Variants in HACD3 observed in about 807,000 individuals in gnomAD.
The protein encoded by HACD3 is 3-hydroxyacyl-CoA dehydratase 3, also known as very-long-chain (3R)-3-hydroxyacyl-CoA dehydratase 3.
A neutral mutation model predicts 55.2 loss-of-function variants in HACD3; 30 were observed. That is an observed-to-expected ratio of 0.54 (90% CI 0.41 to 0.74). HACD3 has a LOEUF of 0.74. HACD3 is among the 30% of genes least tolerant of loss of function. HACD3 has a pLI of 0.00. For synonymous variants in HACD3, 141 were observed against 151.7 expected (o/e 0.93, Z 0.52); for missense variants, 363 against 440.1 (o/e 0.82, Z 1.57).
At chr15:65,533,512 C>A (rs1258490192) in intron 1 of HACD3, among the ~76,000 whole-genome samples, 1 of 152,126 alleles carries the variant, frequency 6.6e-6, no homozygotes, top group Non-Finnish European at 1.5e-5. Flanking sequence ...GTGCTTATAA[C>A]AAAATTGTGA....
At chr15:65,531,922 G>A (rs557005080) in intron 1 of HACD3, among the ~76,000 whole-genome samples, 2 of 152,068 alleles carry the variant, frequency 1.3e-5, no homozygotes, top group East Asian at 1.9e-4. Flanking sequence ...AACATCTATG[G>A]CACTTTGTCA....
At chr15:65,576,184 C>T in intron 10 of HACD3, 119 bp from the exon 11 acceptor site, 1 of 1,439,136 alleles carries the variant, frequency 6.9e-7, no homozygotes, top group Non-Finnish European at 9.3e-7. Context: ...TCCTGAGCCG[C>T]TGCAATAAGC....
chr15:65,533,208 A>G (rs62013080), intron 1 of HACD3, among the ~76,000 whole-genome samples: 52 of 152,200 alleles, frequency 3.4e-4, no homozygotes, highest in Non-Finnish European at 6.6e-4. Context: ...TTGAGAGAGC[A>G]TACTCCATGG....
At chr15:65,570,402 G>A (rs910566333) in intron 8 of HACD3, among the ~76,000 whole-genome samples, 199 bp downstream of exon 8, 27 of 152,178 alleles carry the variant, frequency 1.8e-4, no homozygotes, top group African/African-American at 5.3e-4. Context: ...CATAATACCA[G>A]ACTGGATACT....
At chr15:65,549,548 T>C (rs1421215243) in intron 1 of HACD3, among the ~76,000 whole-genome samples, 2 of 141,108 alleles carry the variant, frequency 1.4e-5, no homozygotes, top group Admixed American at 1.5e-4. Context: ...TGCAGTGAAT[T>C]GAGATGGCGC....
At chr15:65,573,583 G>T (rs908711921) in intron 10 of HACD3, among the ~76,000 whole-genome samples, 1 of 147,308 alleles carries the variant, frequency 6.8e-6, no homozygotes, top group Admixed American at 6.9e-5. Context: ...ACTCCAGCCT[G>T]TGTGACAGAG....
In HACD3 at chr15:65,578,117, T is replaced by C. The variant is rs2072427840; in HGVS notation, c.*1738T>C. 1 of 152,196 alleles carries C rather than the reference T, an allele frequency of 6.6e-6. No individual in the cohort carries two copies. The highest frequency in any genetic ancestry group is 1.5e-5 in the Non-Finnish European group (1 of 68,044). The allele number at this position is 152,196 out of a possible 1,614,324, so 9.4% of individuals were successfully genotyped here. A position where few individuals can be genotyped will look rare whatever the true frequency, so the allele number is the denominator to read the frequency against. Reference sequence around the variant, plus strand: ...ATAGGCTAGCTGATTTCTTAAAAATTCGTTGCATTGAAGGATATTTTGCAT... The same window carrying C: ...ATAGGCTAGCTGATTTCTTAAAAATCCGTTGCATTGAAGGATATTTTGCAT... On this transcript the variant is annotated 3_prime_UTR_variant, in exon 11 of 11. Coordinates refer to ENST00000261875, the MANE Select transcript of HACD3 (RefSeq NM_016395.4).
chr15:65,571,514 G>A (rs2072347499), intron 8 of HACD3, 34 bp from the exon 9 acceptor site: 3 of 1,509,964 alleles, frequency 2.0e-6, no homozygotes, highest in Non-Finnish European at 2.8e-6. Flanking sequence ...AACCTGAAGT[G>A]GCTTTTCACA....
intron 5 of HACD3, 30 bp downstream of exon 5, chr15:65,558,761 C>T (rs769421804): frequency 6.3e-7 from 1 of 1,582,918 alleles, no homozygotes; most frequent in Non-Finnish European, 8.6e-7. Flanking sequence ...TGGTAGTTAC[C>T]AGTTAACTTG....
At chr15:65,568,113 G>A (rs2072310695) in intron 7 of HACD3, among the ~76,000 whole-genome samples, 1 of 151,760 alleles carries the variant, frequency 6.6e-6, no homozygotes, top group African/African-American at 2.4e-5. Flanking sequence ...AGTAGAGATG[G>A]GGTTTCCCAT....
chr15:65,547,120 A>G (rs1440436119), intron 1 of HACD3, among the ~76,000 whole-genome samples: 2 of 144,700 alleles, frequency 1.4e-5, no homozygotes, highest in East Asian at 4.0e-4. Context: ...AGTTCCCAGG[A>G]TTTTTTTTTT....
intron 1 of HACD3, among the ~76,000 whole-genome samples, chr15:65,547,323 G>T (rs1415105643): frequency 6.6e-6 from 1 of 152,062 alleles, no homozygotes; most frequent in South Asian, 2.1e-4. Context: ...CACCATATTG[G>T]TCAGGCTGGT....
At chr15:65,531,747 G>A (rs549016924) in intron 1 of HACD3, among the ~76,000 whole-genome samples, 41 of 152,054 alleles carry the variant, frequency 2.7e-4, no homozygotes, top group African/African-American at 8.7e-4. Context: ...TGTATTTTTA[G>A]TAGCGACAGG....
chr15:65,551,236 AC>A (rs2072129270), intron 1 of HACD3: 1 of 160,830 alleles, frequency 6.2e-6, no homozygotes, highest in Admixed American at 6.1e-5. Flanking sequence ...GCCTTTTACC[AC>A]CCTTTTCGTC....
At chr15:65,569,473 G>A (rs559563074) in intron 7 of HACD3, among the ~76,000 whole-genome samples, 243 of 152,262 alleles carry the variant, frequency 1.6e-3, no homozygotes, top group Non-Finnish European at 2.3e-3. Context: ...ACTCTGGGAG[G>A]CTGACGCAAG....
At position 65,564,351 on chromosome 15, in the gene HACD3, T is replaced by G. The variant is rs1408637947; in HGVS notation, c.660+9T>G. On this transcript the variant is annotated intron_variant, in intron 7 of 10. Transcript: ENST00000261875. ...TGCCTTCTCTGATCCAGGTATTGAA[T>G]AGTTAAGCTGAAGGGTGGGTAATGG... 3 of 1,610,976 alleles carry G rather than the reference T, an allele frequency of 1.9e-6. No homozygotes were observed. The highest frequency in any genetic ancestry group is 3.3e-4 in the Middle Eastern group (2 of 6,050).
At position 65,572,449 on chromosome 15, in the gene HACD3, A is replaced by G. The variant is rs893110269; in HGVS notation, c.1012+83A>G. 3.3e-5 allele frequency: 46 copies of G among 1,380,932 alleles called. No homozygotes were observed. In the African/African-American group the frequency reaches 5.3e-4, roughly 16 times the overall value. 85.5% of individuals were successfully genotyped at this position (1,380,932 alleles called of 1,614,324 possible). On this transcript the variant is annotated intron_variant, in intron 10 of 10. Transcript: ENST00000261875. ...AAATCATTCAGAAATGTAAAAGTCCATATGAGAATTCTTTTGGGACAGAAT... is the reference window on the plus strand; with the variant it reads ...AAATCATTCAGAAATGTAAAAGTCCGTATGAGAATTCTTTTGGGACAGAAT...
intron 1 of HACD3, among the ~76,000 whole-genome samples, chr15:65,532,936 G>A (rs562684544): frequency 6.8e-4 from 103 of 152,298 alleles, no homozygotes; most frequent in African/African-American, 2.3e-3. Flanking sequence ...TTGTGTAGGA[G>A]TATGTTTATT....
At chr15:65,530,771 C>T (rs1351423814) in intron 1 of HACD3, 53 bp downstream of exon 1, 17 of 1,474,198 alleles carry the variant, frequency 1.2e-5, no homozygotes, top group Non-Finnish European at 1.6e-5. Flanking sequence ...CTCCGGGTAC[C>T]CGCCAGGACC....
Sources: gnomAD v4.1 joint callset for allele counts (sites outside exome capture counted in the v4.1 genomes callset) on GRCh38, gnomAD v4.1.1 for gene constraint, MANE v1.5 for transcripts, NCBI Gene and HGNC (gene_info 2026-07-23, HGNC 2026-07-21) for gene names.